Variants in ESRRG observed in about 807,000 individuals in gnomAD.
ESRRG encodes the protein estrogen-related receptor gamma.
ESRRG carries 13 observed loss-of-function variants against 44.0 expected under a neutral mutation model. The ratio of observed to expected loss-of-function variants is 0.30; its 90% CI spans 0.19 to 0.47. The LOEUF (loss-of-function observed/expected upper bound fraction) is 0.47. ESRRG is among the 20% of genes least tolerant of loss of function. The pLI is 1.00. For synonymous variants in ESRRG, 215 were observed against 214.6 expected, an observed-to-expected ratio of 1.00 and a Z score of -0.02; for missense variants, 395 against 580.6, an observed-to-expected ratio of 0.68 and a Z score of 3.29.
chr1:216,835,685 A>G (rs1559814009), intron 2 of ESRRG, among the ~76,000 whole-genome samples: 1 of 152,216 alleles, frequency 6.6e-6, no homozygotes, highest in South Asian at 2.1e-4. Context: ...CTAAACCTCC[A>G]TTTAACTTAA....
chr1:216,964,003 T>A lies in ESRRG; in HGVS notation c.-105-24330A>T, dbSNP rs529450706. Among the ~76,000 whole-genome samples the A allele has an allele frequency of 4.6e-5, 7 of 152,248 alleles. No individual in the cohort carries two copies. The East Asian group carries it at 1.4e-3, about 29-fold the overall frequency. ...GTAGGAATTAATCAGGCAAAGATAC[T>A]ACCTGGAGATTTCTAAGCAGACAGA... On this transcript the variant is annotated intron_variant, in intron 1 of 7. Transcript: ENST00000359162.
chr1:217,078,138 G>T (rs1351431767), intron 1 of ESRRG: 2 of 152,200 alleles, frequency 1.3e-5, no homozygotes, highest in African/African-American at 4.8e-5. Context: ...ATACTTACAC[G>T]TTCTGGGTTC....
At position 216,779,459 on chromosome 1, in the gene ESRRG, A is replaced by T. The variant is rs1275186199; in HGVS notation, c.-13-101968T>A. Among the ~76,000 whole-genome samples the T allele has an allele frequency of 2.2e-3, 41 of 18,600 alleles. 1 individual carries two copies. The highest frequency in any genetic ancestry group is 6.4e-3 in the African/African-American group (29 of 4,566). The allele number at this position is 18,600 out of a possible 152,430, so 12.2% of individuals were successfully genotyped here. A position where few individuals can be genotyped will look rare whatever the true frequency, so the allele number is the denominator to read the frequency against. ...ATAAAAATAAATATTTATAAATATA[A>T]ATATAAATATATATTTATAAATATA... is the stretch of plus-strand genomic sequence containing the variant. On this transcript the variant is annotated intron_variant, in intron 2 of 7. Coordinates refer to the ESRRG transcript ENST00000359162.
At chr1:216,508,527 C>G (rs748509822) in intron 6 of ESRRG, among the ~76,000 whole-genome samples, 2 of 152,142 alleles carry the variant, frequency 1.3e-5, no homozygotes, top group Admixed American at 1.3e-4. Flanking sequence ...GATAGTGGTT[C>G]CCTGGAGCGG....
intron 2 of ESRRG, among the ~76,000 whole-genome samples, chr1:216,789,533 G>GA (rs760108355): frequency 6.6e-6 from 1 of 152,118 alleles, no homozygotes; most frequent in South Asian, 2.1e-4. Flanking sequence ...ATCAGTAAAT[G>GA]AAAAAATTGG....
In ESRRG at chr1:216,632,756, C is replaced by G. The variant is rs180961103; in HGVS notation, c.589+18217G>C. 2.7e-3 allele frequency among the ~76,000 whole-genome samples: 398 copies of G among 149,100 alleles called. 3 individuals carry two copies. Among genetic ancestry groups the G allele is most frequent in the Non-Finnish European group, 3.7e-3 (248 of 67,290 alleles). ...TTAATTCCAGAGTAAGAAAAGGCATCAAAGAAAAAAAAGTGGGGAGGTTCC... is the reference window on the plus strand; with the variant it reads ...TTAATTCCAGAGTAAGAAAAGGCATGAAAGAAAAAAAAGTGGGGAGGTTCC... On this transcript the variant is annotated intron_variant, in intron 3 of 6. Transcript: ENST00000408911.
At chr1:216,558,515 G>A (rs1012979661) in intron 5 of ESRRG, among the ~76,000 whole-genome samples, 4 of 152,138 alleles carry the variant, frequency 2.6e-5, no homozygotes, top group Non-Finnish European at 5.9e-5. Context: ...GAACTTTTTA[G>A]ATCACTTGGT....
At chr1:216,944,540 A>G (rs1401533667) in intron 1 of ESRRG, among the ~76,000 whole-genome samples, 1 of 152,188 alleles carries the variant, frequency 6.6e-6, no homozygotes, top group African/African-American at 2.4e-5. Flanking sequence ...ATGCAGTGCA[A>G]GTTCTTCTTG....
intron 1 of ESRRG, among the ~76,000 whole-genome samples, chr1:216,696,227 A>T (rs1369439360): frequency 6.6e-6 from 1 of 152,218 alleles, no homozygotes; most frequent in African/African-American, 2.4e-5. Context: ...AGAAAGCTGT[A>T]GTTGAACCAG....
chr1:216,750,169 C>G (rs2091866840), intron 2 of ESRRG, among the ~76,000 whole-genome samples: 1 of 152,102 alleles, frequency 6.6e-6, no homozygotes, highest in African/African-American at 2.4e-5. Flanking sequence ...CAAAAAATGC[C>G]TGGCCTGTGT....
At chr1:216,656,994 T>C (rs1331305570) in intron 2 of ESRRG, among the ~76,000 whole-genome samples, 1 of 152,178 alleles carries the variant, frequency 6.6e-6, no homozygotes, top group Non-Finnish European at 1.5e-5. Flanking sequence ...CAATAATCTG[T>C]AGTATTTTTG....
intron 2 of ESRRG, among the ~76,000 whole-genome samples, chr1:216,827,741 A>C (rs1038215581): frequency 1.3e-5 from 2 of 152,216 alleles, no homozygotes; most frequent in Admixed American, 6.5e-5. Flanking sequence ...GATAAAATGA[A>C]GGGCAAATAA....
At chr1:217,087,699 A>G (rs1008166052) in intron 1 of ESRRG, among the ~76,000 whole-genome samples, 2 of 152,238 alleles carry the variant, frequency 1.3e-5, no homozygotes, top group Non-Finnish European at 2.9e-5. Context: ...TTTATGTGCT[A>G]TGTGATACCA....
At chr1:216,836,725 G>C (rs1398866124) in intron 2 of ESRRG, among the ~76,000 whole-genome samples, 1 of 152,184 alleles carries the variant, frequency 6.6e-6, no homozygotes, top group Non-Finnish European at 1.5e-5. Context: ...CGTGGCGGCA[G>C]AGTGAGCCCA....
chr1:216,938,804 G>A (rs2149921856), intron 2 of ESRRG, among the ~76,000 whole-genome samples: 1 of 152,242 alleles, frequency 6.6e-6, no homozygotes, highest in African/African-American at 2.4e-5. Flanking sequence ...CATCCTTCCT[G>A]AGTTACAAAC....
chr1:216,521,458 A>T (rs1320274045), intron 5 of ESRRG, among the ~76,000 whole-genome samples: 1 of 152,060 alleles, frequency 6.6e-6, no homozygotes, highest in African/African-American at 2.4e-5. Context: ...ATACCAAAAA[A>T]AAAAAATCAT....
At chr1:216,750,131 C>T (rs2789731) in intron 2 of ESRRG, among the ~76,000 whole-genome samples, 43,532 of 151,978 alleles carry the variant, frequency 0.29, 7,078 homozygotes, top group East Asian at 0.41. Flanking sequence ...TCATCCATTG[C>T]AGTTTGTAGA....
At chr1:216,769,617 A>C (rs901006562) in intron 2 of ESRRG, among the ~76,000 whole-genome samples, 5 of 152,122 alleles carry the variant, frequency 3.3e-5, no homozygotes, top group Admixed American at 2.6e-4. Flanking sequence ...TAGTCAAGAA[A>C]CAGTTATAAG....
chr1:216,784,959 A>G (rs1448279209), intron 2 of ESRRG, among the ~76,000 whole-genome samples: 1 of 152,064 alleles, frequency 6.6e-6, no homozygotes, highest in Non-Finnish European at 1.5e-5. Flanking sequence ...GATTCCTGTG[A>G]ACAAGGAGAT....
Sources: gnomAD v4.1 joint callset for allele counts (sites outside exome capture counted in the v4.1 genomes callset) on GRCh38, gnomAD v4.1.1 for gene constraint, MANE v1.5 for transcripts, NCBI Gene and HGNC (gene_info 2026-07-23, HGNC 2026-07-21) for gene names.